Variants in GIMAP8 observed in about 807,000 individuals in gnomAD.
GIMAP8 encodes GTPase IMAP family member 8.
Under a neutral mutation model 35.6 loss-of-function variants are expected in GIMAP8, and 29 were observed. That is an observed-to-expected ratio of 0.81 (90% CI 0.61 to 1.11). The LOEUF (loss-of-function observed/expected upper bound fraction) is 1.11. Ranked by LOEUF, GIMAP8 falls within the 50% of genes most tolerant of loss-of-function variation. GIMAP8 has a pLI of 0.00. For missense variants in GIMAP8, 811 were observed against 805.0 expected (o/e 1.01, Z -0.09); for synonymous variants, 335 against 308.7 (o/e 1.09, Z -0.89).
rs1335356536 is a variant in GIMAP8, at chr7:150,452,328, T to G, written c.-29+1153T>G. Among the ~76,000 whole-genome samples, 709 of 151,812 alleles carry G rather than the reference T, an allele frequency of 4.7e-3. 6 individuals are homozygous for G. Among genetic ancestry groups the G allele is most frequent in the African/African-American group, 0.017 (682 of 41,302 alleles). ...GCATGTGCGTGTGTGTATGTGGGTGTGTGTGTGTAGGTCCTGACATCATGT... is the reference window on the plus strand; with the variant it reads ...GCATGTGCGTGTGTGTATGTGGGTGGGTGTGTGTAGGTCCTGACATCATGT... On this transcript the variant is annotated intron_variant, in intron 1 of 4. Transcript: ENST00000307271.
Position 150,467,249 on chromosome 7 carries a change from A to G in GIMAP8, c.551A>G (p.Glu184Gly). 1 of 1,614,186 alleles carries G rather than the reference A, an allele frequency of 6.2e-7. No individual in the cohort carries two copies. Among genetic ancestry groups the G allele is most frequent in the Non-Finnish European group, 8.5e-7 (1 of 1,180,020 alleles). The change falls in exon 2 of 5, where the codon GAG (glutamate) becomes GGG (glycine). Residue 184 changes from glutamate (E) to glycine (G), a missense_variant. Coordinates refer to ENST00000307271, the MANE Select transcript of GIMAP8 (RefSeq NM_175571.4). ...SKDEQITQVL[E>G]LLRKVESLVN... ...GATGAGCAGATCACCCAGGTGTTGG[A>G]GCTCCTTCGCAAGGTTGAGTCTTTG...
chr7:150,466,719 G>A lies in GIMAP8; in HGVS notation c.21G>A (p.Gln7=). Residue 7 remains glutamine, a synonymous_variant, in exon 2 of 5, where the codon CAG becomes CAA. Transcript: ENST00000307271. ...AAAGCATGTCAGAGCAGAGCTGCCA[G>A]ATGTCCGAACTGCGGCTCCTCCTCC... MSEQSC[Q]MSELRLLLLG... The A allele has an allele frequency of 6.2e-7, 1 of 1,614,140 alleles. No homozygotes were observed.
At chr7:150,464,602 G>T (rs979643709) in intron 1 of GIMAP8, among the ~76,000 whole-genome samples, 1 of 152,076 alleles carries the variant, frequency 6.6e-6, no homozygotes, top group African/African-American at 2.4e-5. Context: ...GAGATGACTT[G>T]AGCCCAGAAG....
At chr7:150,452,675 GATATATATATATAT>G (rs373374121) in intron 1 of GIMAP8, among the ~76,000 whole-genome samples, 75 of 79,658 alleles carry the variant, frequency 9.4e-4, no homozygotes, top group South Asian at 4.1e-3. Flanking sequence ...GTGTGTGTGA[GATATATATATATAT>G]ATATATATAT....
At position 150,477,699 on chromosome 7, in the gene GIMAP8, C is replaced by T. The variant is rs776694092; in HGVS notation, c.1917C>T (p.Asn639=). Residue 639 remains asparagine (N), a synonymous_variant, in exon 5 of 5, where the codon AAC becomes AAT. Transcript: ENST00000307271. ...GWSGYPHTQE[N]VSKLIKNVQE... ...CCGGGTATCCCCATACACAGGAGAACGTCAGCAAACTAATTAAAAATGTCC... is the reference window on the plus strand; with the variant it reads ...CCGGGTATCCCCATACACAGGAGAATGTCAGCAAACTAATTAAAAATGTCC... 1.9e-6 allele frequency: 3 copies of T among 1,614,110 alleles called. No individual in the cohort carries two copies. The highest frequency in any genetic ancestry group is 3.3e-5 in the Admixed American group (2 of 60,020).
At chr7:150,466,229 A>G (rs936466047) in intron 1 of GIMAP8, among the ~76,000 whole-genome samples, 2 of 152,224 alleles carry the variant, frequency 1.3e-5, no homozygotes, top group African/African-American at 2.4e-5. Flanking sequence ...TTGGCTACTC[A>G]TTAGAATTAC....
At chr7:150,453,719 C>T (rs1221062210) in intron 1 of GIMAP8, among the ~76,000 whole-genome samples, 1 of 152,322 alleles carries the variant, frequency 6.6e-6, no homozygotes, top group East Asian at 1.9e-4. Context: ...TCTCATGGAA[C>T]TCACCTGTAG....
intron 3 of GIMAP8, among the ~76,000 whole-genome samples, chr7:150,471,666 G>A (rs994697030): frequency 6.6e-6 from 1 of 152,078 alleles, no homozygotes; most frequent in African/African-American, 2.4e-5. Flanking sequence ...GCAAAACCCT[G>A]TCTCTACTAA....
In GIMAP8 at chr7:150,466,756, C is replaced by G. The variant is rs201081436; in HGVS notation, c.58C>G (p.Arg20Gly). 1.2e-6 allele frequency: 2 copies of G among 1,614,144 alleles called. No individual in the cohort carries two copies. Among genetic ancestry groups the G allele is most frequent in the Non-Finnish European group, 8.5e-7 (1 of 1,180,002 alleles). The change falls in exon 2 of 5, where the codon CGC becomes GGC. Residue 20 changes from arginine (R) to glycine (G), a missense_variant. Physicochemically the swap from Arg to Gly is moderately radical, Grantham distance 125 (BLOSUM62 -2). Transcript: ENST00000307271. ...GCGGCTCCTCCTCCTGGGAAAATGC[C>G]GCTCGGGAAAAAGTGCCACAGGAAA... ...ELRLLLLGKC[R>G]SGKSATGNAI...
chr7:150,477,253 G>A lies in GIMAP8; in HGVS notation c.1471G>A (p.Val491Ile). 2 of 1,614,130 alleles carry A rather than the reference G, an allele frequency of 1.2e-6. No homozygotes were observed. Among genetic ancestry groups the A allele is most frequent in the Non-Finnish European group, 1.7e-6 (2 of 1,180,026 alleles). ...GACATGGGACGGACAGGAGGTGGTG[G>A]TTGTGGACACTCCTTCCTTCAACCA... ...RRTWDGQEVVVVDTPSFNQML... is the reference protein window; with the variant it reads ...RRTWDGQEVVIVDTPSFNQML... Residue 491 changes from valine to isoleucine, a missense_variant, in exon 5 of 5, where the codon GTT becomes ATT. Val to Ile is a conservative substitution (Grantham distance 29, BLOSUM62 3). Coordinates refer to ENST00000307271, the MANE Select transcript of GIMAP8 (RefSeq NM_175571.4).
chr7:150,469,157 C>T (rs1802035462), intron 2 of GIMAP8, among the ~76,000 whole-genome samples: 1 of 152,208 alleles, frequency 6.6e-6, no homozygotes, highest in Non-Finnish European at 1.5e-5. Context: ...TGCTGGCCTT[C>T]CTGTTTGCCC....
chr7:150,453,733 T>C (rs1381737287), intron 1 of GIMAP8, among the ~76,000 whole-genome samples: 2 of 152,060 alleles, frequency 1.3e-5, no homozygotes, highest in African/African-American at 4.8e-5. Flanking sequence ...CCTGTAGTGG[T>C]GGCAGACTAA....
chr7:150,456,428 C>A (rs1273124658), intron 1 of GIMAP8, among the ~76,000 whole-genome samples: 2 of 152,150 alleles, frequency 1.3e-5, no homozygotes, highest in African/African-American at 2.4e-5. Flanking sequence ...TTAAAGCTAG[C>A]AATGTGGCAT....
At chr7:150,470,960 C>T in intron 3 of GIMAP8, 86 bp downstream of exon 3, 2 of 1,048,812 alleles carry the variant, frequency 1.9e-6, no homozygotes, top group Admixed American at 3.8e-5. Flanking sequence ...AAACATTATC[C>T]ATATAAACCA....
chr7:150,467,438 G>A, intron 2 of GIMAP8, 104 bp downstream of exon 2: 1 of 904,212 alleles, frequency 1.1e-6, no homozygotes, highest in Non-Finnish European at 1.7e-6. Context: ...TGGAACATGG[G>A]TTTTGTTTAA....
chr7:150,466,155 A>T (rs1801951763), intron 1 of GIMAP8, among the ~76,000 whole-genome samples: 1 of 152,178 alleles, frequency 6.6e-6, no homozygotes, highest in South Asian at 2.1e-4. Flanking sequence ...TGTATACCAT[A>T]TATTATATTT....
Position 150,467,122 on chromosome 7 carries a change from G to A in GIMAP8, c.424G>A (p.Asp142Asn). The change falls in exon 2 of 5, where the codon GAC becomes AAC. Residue 142 changes from aspartate (D) to asparagine (N), a missense_variant. Transcript: ENST00000307271. ...CACTCGGAAGGATGATTTGGGGGATGACTTGCTGCAAGATTTCATTGAAAA... is the reference window on the plus strand; with the variant it reads ...CACTCGGAAGGATGATTTGGGGGATAACTTGCTGCAAGATTTCATTGAAAA... Reference protein sequence around the residue: ...VFTRKDDLGDDLLQDFIEKNK... With the variant: ...VFTRKDDLGDNLLQDFIEKNK... The A allele has an allele frequency of 6.2e-7, 1 of 1,614,158 alleles. No homozygotes were observed. The highest frequency in any genetic ancestry group is 8.5e-7 in the Non-Finnish European group (1 of 1,180,022).
At position 150,477,170 on chromosome 7, in the gene GIMAP8, T is replaced by A; in HGVS notation, c.1388T>A (p.Val463Asp). 1.2e-6 allele frequency: 2 copies of A among 1,614,030 alleles called. No individual in the cohort carries two copies. The highest frequency in any genetic ancestry group is 1.7e-6 in the Non-Finnish European group (2 of 1,179,978). The change falls in exon 5 of 5, where the codon GTC (valine) becomes GAC (aspartate). Residue 463 changes from valine (V) to aspartate (D), a missense_variant. Coordinates refer to ENST00000307271, the MANE Select transcript of GIMAP8 (RefSeq NM_175571.4). ...GGGAACTCTATCCTGGGGAGCCTCG[T>A]CTTCACCTCTCGGCTCCGGGCCCAG... ...ATGNSILGSL[V>D]FTSRLRAQPV...
chr7:150,478,389 A>C lies in GIMAP8; in HGVS notation c.*609A>C, dbSNP rs1802291104. 6.6e-6 allele frequency: 1 copy of C among 152,628 alleles called. No individual in the cohort carries two copies. 9.5% of individuals were successfully genotyped at this position (152,628 alleles called of 1,614,324 possible). The stretch of plus-strand genomic sequence containing the variant: ...CACGCCTAGATGTGAAGTGGGACAT[A>C]GTCTTCCATTGCTGGCTGTCCCTGA... On this transcript the variant is annotated 3_prime_UTR_variant, in exon 5 of 5. Transcript: ENST00000307271.
Sources: gnomAD v4.1 joint callset for allele counts (sites outside exome capture counted in the v4.1 genomes callset) on GRCh38, gnomAD v4.1.1 for gene constraint, MANE v1.5 for transcripts, NCBI Gene and HGNC (gene_info 2026-07-23, HGNC 2026-07-21) for gene names.